The following RANBP2 variants were observed in gnomAD, a reference collection of about 807,000 sequenced individuals.
RANBP2 encodes the protein E3 SUMO-protein ligase RanBP2.
A neutral mutation model predicts 303.6 loss-of-function variants in RANBP2; 57 were observed. The ratio of observed to expected loss-of-function variants is 0.19; its 90% CI spans 0.15 to 0.23. The LOEUF (loss-of-function observed/expected upper bound fraction) is 0.23, where lower values mean the gene tolerates loss of function less well. RANBP2 is among the 10% of genes least tolerant of loss of function. RANBP2 has a pLI of 1.00. For synonymous variants in RANBP2, 1,167 were observed against 1,301.5 expected (o/e 0.90, Z 2.23); for missense variants, 3,138 against 3,780.8 (o/e 0.83, Z 4.46).
the RANBP2 span, among the ~76,000 whole-genome samples, chr2:108,811,715 C>A: frequency 6.6e-6 from 1 of 152,212 alleles, no homozygotes; most frequent in Non-Finnish European, 1.5e-5. Context: ...ACTCTTCACT[C>A]AAATAGTGAA....
At chr2:108,883,232 T>C in the RANBP2 span, 1 of 152,168 alleles carries the variant, frequency 6.6e-6, no homozygotes, top group Non-Finnish European at 1.5e-5. Flanking sequence ...TCCCTGAAAA[T>C]ATTTCATGGC....
the RANBP2 span, among the ~76,000 whole-genome samples, chr2:109,501,219 G>A: frequency 8.6e-3 from 1,316 of 152,292 alleles, 32 homozygotes; most frequent in South Asian, 0.096. Flanking sequence ...GAGATGGGGG[G>A]CTGTGCTTGG....
the RANBP2 span, among the ~76,000 whole-genome samples, chr2:108,820,871 A>G: frequency 6.6e-6 from 1 of 152,204 alleles, no homozygotes; most frequent in Non-Finnish European, 1.5e-5. Flanking sequence ...AAAGCACACT[A>G]CACAGCAACA....
chr2:108,754,672 CTT>C (rs1353383066), intron 15 of RANBP2, among the ~76,000 whole-genome samples: 1 of 151,570 alleles, frequency 6.6e-6, no homozygotes, highest in Admixed American at 6.6e-5. Flanking sequence ...TTGTACAACA[CTT>C]TTCTGTGTTC....
At chr2:109,636,264 G>A in the RANBP2 span, among the ~76,000 whole-genome samples, 3 of 152,172 alleles carry the variant, frequency 2.0e-5, no homozygotes, top group Non-Finnish European at 4.4e-5. Flanking sequence ...TCTGATGATG[G>A]TTTAGAACTC....
chr2:108,736,126 G>A lies in RANBP2; in HGVS notation c.659G>A (p.Cys220Tyr). The A allele has an allele frequency of 1.2e-6, 2 of 1,611,896 alleles. No individual in the cohort carries two copies. Among genetic ancestry groups the A allele is most frequent in the Non-Finnish European group, 1.7e-6 (2 of 1,179,826 alleles). Residue 220 changes from cysteine (C) to tyrosine (Y), a missense_variant, in exon 6 of 29, where the codon TGT (cysteine) becomes TAT (tyrosine). Coordinates refer to ENST00000283195, the MANE Select transcript of RANBP2 (RefSeq NM_006267.5). ...TLKEYLESLQ[C>Y]LESDKSDWRA... ...TAGGAATATCTGGAGTCTTTACAGT[G>A]TTTGGAGTCTGATAAAAGTGACTGG...
the RANBP2 span, among the ~76,000 whole-genome samples, chr2:109,520,106 G>A: frequency 1.3e-5 from 2 of 152,200 alleles, no homozygotes; most frequent in Non-Finnish European, 2.9e-5. Flanking sequence ...CCTGTGATAC[G>A]GTACTACGTG....
At chr2:109,478,393 C>G in the RANBP2 span, among the ~76,000 whole-genome samples, 4 of 152,196 alleles carry the variant, frequency 2.6e-5, no homozygotes, top group Non-Finnish European at 5.9e-5. Flanking sequence ...CAAGATGGGC[C>G]CTCCAGTCTC....
At chr2:109,563,858 C>A in the RANBP2 span, among the ~76,000 whole-genome samples, 1 of 152,118 alleles carries the variant, frequency 6.6e-6, no homozygotes, top group Non-Finnish European at 1.5e-5. Flanking sequence ...TGGAGGCTCA[C>A]ATTTGTAATC....
the RANBP2 span, among the ~76,000 whole-genome samples, chr2:108,808,195 A>G: frequency 6.6e-6 from 1 of 152,146 alleles, no homozygotes. Flanking sequence ...TTGTGTATGT[A>G]TAAAGAAAAT....
the RANBP2 span, among the ~76,000 whole-genome samples, chr2:109,394,666 T>C: frequency 6.6e-6 from 1 of 152,352 alleles, no homozygotes; most frequent in African/African-American, 2.4e-5. Flanking sequence ...TGTGTGCACA[T>C]CTATGTAGGA....
chr2:109,717,364 T>C, the RANBP2 span, among the ~76,000 whole-genome samples: 1 of 150,682 alleles, frequency 6.6e-6, no homozygotes, highest in South Asian at 2.1e-4. Context: ...GGTGGATCAC[T>C]TGAGGTCAGG....
At chr2:109,379,860 G>C in the RANBP2 span, among the ~76,000 whole-genome samples, 1 of 152,140 alleles carries the variant, frequency 6.6e-6, no homozygotes, top group Admixed American at 6.5e-5. Context: ...GCACCCAATG[G>C]CGTGTCTCCT....
the RANBP2 span, among the ~76,000 whole-genome samples, chr2:108,796,422 T>C: frequency 6.6e-6 from 1 of 152,214 alleles, no homozygotes; most frequent in Non-Finnish European, 1.5e-5. Context: ...GAAAACACTT[T>C]GGAGGTTCCT....
the RANBP2 span, among the ~76,000 whole-genome samples, chr2:109,411,581 G>A: frequency 1.3e-5 from 2 of 152,176 alleles, no homozygotes; most frequent in Admixed American, 6.5e-5. Flanking sequence ...GGGAAGCCAC[G>A]ACCAGTGTGC....
chr2:109,490,658 G>A, the RANBP2 span: 5 of 1,510,354 alleles, frequency 3.3e-6, no homozygotes, highest in East Asian at 1.2e-4. Flanking sequence ...CCACCAAGAA[G>A]AAGTCACGCT....
the RANBP2 span, among the ~76,000 whole-genome samples, chr2:109,589,136 GT>G: frequency 1.3e-5 from 2 of 152,108 alleles, no homozygotes; most frequent in African/African-American, 2.4e-5. Flanking sequence ...TTGTTGGTTT[GT>G]TTTGTTTTTT....
the RANBP2 span, among the ~76,000 whole-genome samples, chr2:109,106,934 CTTTTTTTTTT>C: frequency 7.5e-5 from 10 of 133,770 alleles, no homozygotes; most frequent in South Asian, 2.4e-3. Context: ...GGGCCTTCTC[CTTTTTTTTTT>C]TTTTTTTTTT....
chr2:108,898,348 G>A, the RANBP2 span, among the ~76,000 whole-genome samples: 5 of 152,266 alleles, frequency 3.3e-5, no homozygotes, highest in South Asian at 4.1e-4. Flanking sequence ...ACCCCAAGTA[G>A]CAGTAAAAAG....
Sources: allele counts gnomAD v4.1 joint callset (sites outside exome capture counted in the v4.1 genomes callset), GRCh38; gene constraint gnomAD v4.1.1; transcripts MANE v1.5; gene names NCBI Gene and HGNC (gene_info 2026-07-23, HGNC 2026-07-21).